Variants in ZDHHC14 observed in about 807,000 individuals in gnomAD.
The protein encoded by ZDHHC14 is zDHHC palmitoyltransferase 14.
In ZDHHC14, 16 loss-of-function variants were observed where a neutral mutation model predicts 47.7. The observed-to-expected ratio is 0.34, with a 90% CI of 0.23 to 0.51. The LOEUF (loss-of-function observed/expected upper bound fraction) is 0.51, where lower values mean the gene tolerates loss of function less well. ZDHHC14 is among the 20% of genes least tolerant of loss of function. ZDHHC14 has a pLI of 0.97. For missense variants in ZDHHC14, 515 were observed against 662.5 expected, an observed-to-expected ratio of 0.78 and a Z score of 2.44; for synonymous variants, 293 against 278.9, an observed-to-expected ratio of 1.05 and a Z score of -0.50.
At chr6:157,632,960 C>T in intron 5 of ZDHHC14, 78 bp downstream of exon 5, 1 of 1,451,658 alleles carries the variant, frequency 6.9e-7, no homozygotes, top group Non-Finnish European at 9.7e-7. Context: ...CACACCTCCT[C>T]ATCTTCTGCC....
chr6:157,393,352 C>T (rs2114737516), intron 1 of ZDHHC14, among the ~76,000 whole-genome samples: 1 of 152,314 alleles, frequency 6.6e-6, no homozygotes, highest in African/African-American at 2.4e-5. Flanking sequence ...TAGCCAACGG[C>T]CCTGCCTGTG....
chr6:157,484,338 C>T (rs1779716863), intron 1 of ZDHHC14, among the ~76,000 whole-genome samples: 1 of 136,698 alleles, frequency 7.3e-6, no homozygotes, highest in Admixed American at 7.6e-5. Flanking sequence ...CGTATATATA[C>T]ATTATACGTA....
At chr6:157,515,717 G>A (rs1032778155) in intron 1 of ZDHHC14, among the ~76,000 whole-genome samples, 3 of 151,442 alleles carry the variant, frequency 2.0e-5, no homozygotes. Context: ...CGCCCACCTC[G>A]GCCTCCCAAA....
chr6:157,387,620 C>G (rs905099476), intron 1 of ZDHHC14, among the ~76,000 whole-genome samples: 1 of 152,172 alleles, frequency 6.6e-6, no homozygotes, highest in Admixed American at 6.5e-5. Context: ...ATGTTTATAA[C>G]CCACTGTGGT....
chr6:157,514,358 T>C (rs1780601700), intron 1 of ZDHHC14, among the ~76,000 whole-genome samples: 1 of 152,218 alleles, frequency 6.6e-6, no homozygotes, highest in Non-Finnish European at 1.5e-5. Context: ...TCTATGCCCA[T>C]GGTCACTTTC....
At chr6:157,449,235 T>G (rs1465012802) in intron 1 of ZDHHC14, among the ~76,000 whole-genome samples, 2 of 152,188 alleles carry the variant, frequency 1.3e-5, no homozygotes, top group Non-Finnish European at 2.9e-5. Context: ...ATGAAAAGAT[T>G]TTTGTTTATC....
intron 1 of ZDHHC14, among the ~76,000 whole-genome samples, chr6:157,409,847 G>A (rs988801048): frequency 2.6e-5 from 4 of 151,482 alleles, no homozygotes; most frequent in Non-Finnish European, 4.4e-5. Context: ...TTTGGGGGGG[G>A]GGACAGAGTC....
chr6:157,536,370 CT>C (rs972026748), intron 1 of ZDHHC14, among the ~76,000 whole-genome samples: 11 of 152,130 alleles, frequency 7.2e-5, no homozygotes, highest in Non-Finnish European at 1.5e-4. Context: ...TATTAACAAA[CT>C]TTTTTTATGT....
intron 3 of ZDHHC14, among the ~76,000 whole-genome samples, chr6:157,625,316 G>C (rs746862118): frequency 6.6e-6 from 1 of 152,168 alleles, no homozygotes; most frequent in Non-Finnish European, 1.5e-5. Context: ...TGGTCAGATA[G>C]AGAGTCTGAA....
At chr6:157,654,866 G>C (rs1397564635) in intron 8 of ZDHHC14, among the ~76,000 whole-genome samples, 1 of 151,964 alleles carries the variant, frequency 6.6e-6, no homozygotes, top group Non-Finnish European at 1.5e-5. Flanking sequence ...CTTCCAAGTA[G>C]CTGGGACTAC....
chr6:157,607,765 A>G (rs1490588118), intron 3 of ZDHHC14, among the ~76,000 whole-genome samples: 1 of 151,762 alleles, frequency 6.6e-6, no homozygotes, highest in Admixed American at 6.6e-5. Flanking sequence ...TGGGAAGAAA[A>G]GAACCCTCAG....
At chr6:157,640,639 A>G (rs1777204665) in intron 5 of ZDHHC14, among the ~76,000 whole-genome samples, 1 of 152,164 alleles carries the variant, frequency 6.6e-6, no homozygotes, top group African/African-American at 2.4e-5. Flanking sequence ...CAGTTCTCCC[A>G]ACTACCACCC....
At chr6:157,401,547 G>A (rs1205680013) in intron 1 of ZDHHC14, among the ~76,000 whole-genome samples, 1 of 151,050 alleles carries the variant, frequency 6.6e-6, no homozygotes, top group Non-Finnish European at 1.5e-5. Context: ...GTAGTGAGAT[G>A]CGCTCCTGCT....
intron 1 of ZDHHC14, among the ~76,000 whole-genome samples, chr6:157,425,301 A>G (rs1196856189): frequency 1.3e-5 from 2 of 152,202 alleles, no homozygotes; most frequent in Non-Finnish European, 2.9e-5. Context: ...TGATTTCTAC[A>G]TATTAACTTG....
intron 1 of ZDHHC14, among the ~76,000 whole-genome samples, chr6:157,470,540 AAAAT>A (rs1779329310): frequency 6.6e-6 from 1 of 152,262 alleles, no homozygotes; most frequent in Non-Finnish European, 1.5e-5. Context: ...CAAGTATGTT[AAAAT>A]AAACACAGGT....
chr6:157,637,532 G>C (rs1386597235), intron 5 of ZDHHC14, among the ~76,000 whole-genome samples: 1 of 152,170 alleles, frequency 6.6e-6, no homozygotes, highest in African/African-American at 2.4e-5. Context: ...ATTGATGGCA[G>C]AGCTGCCCAC....
chr6:157,400,207 A>G (rs1375709614), intron 1 of ZDHHC14, among the ~76,000 whole-genome samples: 1 of 152,208 alleles, frequency 6.6e-6, no homozygotes, highest in Non-Finnish European at 1.5e-5. Context: ...ACAGTGGGAC[A>G]GAGGGATAGA....
chr6:157,636,880 G>A (rs1777013539), intron 5 of ZDHHC14, among the ~76,000 whole-genome samples: 1 of 152,220 alleles, frequency 6.6e-6, no homozygotes, highest in South Asian at 2.1e-4. Context: ...TTTCTTCGGT[G>A]TGCCACTGAC....
At chr6:157,561,069 CCCA>C (rs1562481831) in intron 2 of ZDHHC14, among the ~76,000 whole-genome samples, 1 of 152,178 alleles carries the variant, frequency 6.6e-6, no homozygotes, top group Non-Finnish European at 1.5e-5. Flanking sequence ...TTTCGGGGAG[CCCA>C]GGTCCTCAGA....
Sources: allele counts gnomAD v4.1 joint callset (sites outside exome capture counted in the v4.1 genomes callset), GRCh38; gene constraint gnomAD v4.1.1; transcripts MANE v1.5; gene names NCBI Gene and HGNC (gene_info 2026-07-23, HGNC 2026-07-21).